Variants in FBF1 observed in about 807,000 individuals in gnomAD.
The protein encoded by FBF1 is Fas binding factor 1.
Under a neutral mutation model 147.2 loss-of-function variants are expected in FBF1, and 119 were observed. The observed-to-expected ratio is 0.81, with a 90% confidence interval of 0.70 to 0.94. The LOEUF (loss-of-function observed/expected upper bound fraction) is 0.94. FBF1 is among the 40% of genes least tolerant of loss of function. The pLI is 0.00. For missense variants in FBF1, 1,449 were observed against 1,500.8 expected (o/e 0.97, Z 0.57); for synonymous variants, 601 against 609.0 (o/e 0.99, Z 0.19).
chr17:75,921,141 C>T (rs1348357833), intron 17 of FBF1, 103 bp downstream of exon 17: 3 of 1,228,778 alleles, frequency 2.4e-6, no homozygotes, highest in Admixed American at 2.1e-5. Context: ...ATGTTTGACA[C>T]ATTTTTCCTG....
At chr17:75,913,620 CGG>C (rs10552779) in intron 28 of FBF1, 80 bp downstream of exon 28, 86,452 of 1,107,662 alleles carry the variant, frequency 0.078, 4,701 homozygotes, top group African/African-American at 0.24. Context: ...TTAACTGGAG[CGG>C]CTGGAGGAGG....
chr17:75,920,627 A>G (rs1326615075), intron 17 of FBF1, among the ~76,000 whole-genome samples, 198 bp from the exon 18 acceptor site: 1 of 152,152 alleles, frequency 6.6e-6, no homozygotes, highest in Non-Finnish European at 1.5e-5. Flanking sequence ...TCTGGTCAGG[A>G]GCATGTCTCC....
rs776859185 is a variant in FBF1, at chr17:75,914,145, C to T, written c.2968G>A (p.Glu990Lys). 8 of 1,601,666 alleles carry T rather than the reference C, an allele frequency of 5.0e-6. No individual in the cohort carries two copies. The East Asian group carries it at 6.7e-5, about 13-fold the overall frequency. ...ACCTTGCTCATGCTCTCCACCTCCT[C>T]GGCGCGGAGCTTGACACGCAGGGCG... ...ATALRVKLRA[E>K]EVESMSKVAS... is the part of the protein sequence containing the mutation. The change falls in exon 26 of 30, where the codon GAG becomes AAG. Residue 990 changes from glutamate (E) to lysine (K), a missense_variant. Glu to Lys is a moderately conservative substitution (Grantham distance 56, BLOSUM62 1). Coordinates refer to ENST00000636174, the MANE Select transcript of FBF1 (RefSeq NM_001319193.2).
chr17:75,937,981 C>T (rs753948725), intron 2 of FBF1, 166 bp downstream of exon 2: 84 of 997,994 alleles, frequency 8.4e-5, no homozygotes, highest in Non-Finnish European at 8.5e-5. Context: ...AAACCTTGGT[C>T]GTCGAAAGTT....
intron 29 of FBF1, among the ~76,000 whole-genome samples, chr17:75,911,651 T>C (rs1204928041): frequency 6.6e-6 from 1 of 152,194 alleles, no homozygotes; most frequent in Non-Finnish European, 1.5e-5. Context: ...CCGGAGTAGC[T>C]GGGAGTACAG....
chr17:75,937,776 G>T (rs1391270662), intron 2 of FBF1, 183 bp from the exon 3 acceptor site: 2 of 711,898 alleles, frequency 2.8e-6, no homozygotes, highest in Non-Finnish European at 4.9e-6. Context: ...CATTCAGAGC[G>T]TGGAAACAGC....
In FBF1 at chr17:75,926,035, G is replaced by C. The variant is rs1168684728; in HGVS notation, c.863C>G (p.Pro288Arg). Residue 288 changes from proline (P) to arginine (R), a missense_variant, in exon 12 of 30, where the codon CCA becomes CGA. By Grantham distance (103) the Pro-to-Arg change is moderately radical. Transcript: ENST00000636174. ...GCCCCCGCAAGCCTCCTTACCCTGT[G>C]GCCTCTGGTACTTCTTGTCTAGCTT... ...EFKLDKKYQR[P>R]QDSEDMWGDE... The C allele has an allele frequency of 6.8e-6, 11 of 1,610,086 alleles. No individual in the cohort carries two copies. The highest frequency in any genetic ancestry group is 9.3e-6 in the Non-Finnish European group (11 of 1,178,834).
intron 2 of FBF1, 60 bp downstream of exon 2, chr17:75,938,087 G>T (rs766980160): frequency 1.0e-5 from 16 of 1,606,064 alleles, no homozygotes; most frequent in Admixed American, 1.7e-5. Flanking sequence ...CAAGATCTTT[G>T]GGGATGCAGG....
intron 2 of FBF1, 41 bp downstream of exon 2, chr17:75,938,106 C>T (rs781488431): frequency 6.2e-7 from 1 of 1,611,632 alleles, no homozygotes; most frequent in East Asian, 2.2e-5. Context: ...GGATGGGAGG[C>T]ATGTTCGCTT....
Position 75,925,423 on chromosome 17 carries a change from C to T in FBF1, c.892G>A (p.Glu298Lys), listed in dbSNP as rs199958081. Residue 298 changes from glutamate (E) to lysine (K), a missense_variant, in exon 13 of 30, where the codon GAG (glutamate) becomes AAG (lysine). Physicochemically the swap from Glu to Lys is moderately conservative, Grantham distance 56. Transcript: ENST00000636174. This position sits in a 1 kb window ranked among gnomAD's most constrained non-coding sequence, Gnocchi z 5.0. ...TGATAGGCTCCAAAGGTGAAGTCCT[C>T]GTCACCCCACATATCTTCACTGTCT... ...PQDSEDMWGD[E>K]DFTFGAYQPT... The T allele has an allele frequency of 6.2e-6, 10 of 1,613,426 alleles. No individual in the cohort carries two copies. Among genetic ancestry groups the T allele is most frequent in the East Asian group, 2.2e-5 (1 of 44,872 alleles).
intron 23 of FBF1, among the ~76,000 whole-genome samples, chr17:75,915,862 G>A (rs1468448497): frequency 6.6e-6 from 1 of 151,928 alleles, no homozygotes; most frequent in Admixed American, 6.6e-5. Context: ...ACAAAAATTA[G>A]CTGGGCGTGG....
At chr17:75,926,909 T>C (rs2065565575) in intron 9 of FBF1, 32 bp from the exon 10 acceptor site, 1 of 1,592,364 alleles carries the variant, frequency 6.3e-7, no homozygotes. Context: ...CAGGTCAGAC[T>C]GCAGCACTTA....
At position 75,913,967 on chromosome 17, in the gene FBF1, C is replaced by T. The variant is rs1290686029; in HGVS notation, c.3075G>A (p.Gln1025=). ...GCCGCTCCTGCTGTTGCTGCACCGC[C>T]TGCAACCGGGCCTGCTGCTCTGCCT... ...QVQAEQQARL[Q]AVQQQQERLR... The change falls in exon 27 of 30, where the codon CAG becomes CAA. Residue 1025 remains glutamine, a synonymous_variant. Transcript: ENST00000636174. The T allele has an allele frequency of 2.2e-5, 35 of 1,558,260 alleles. No individual in the cohort carries two copies. The highest frequency in any genetic ancestry group is 3.0e-5 in the Non-Finnish European group (35 of 1,158,300).
At position 75,921,506 on chromosome 17, in the gene FBF1, C is replaced by T. The variant is rs766839541; in HGVS notation, c.1581G>A (p.Lys527=). ...AASALPTGSP[K]RGTAPGDLSA... Reference sequence around the variant, plus strand: ...AGAGGTCTCCAGGGGCTGTTCCCCTCTTTGGGGAACCTGTAGGGAGTGCTG... The same window carrying T: ...AGAGGTCTCCAGGGGCTGTTCCCCTTTTTGGGGAACCTGTAGGGAGTGCTG... The change falls in exon 16 of 30, where the codon AAG becomes AAA. Residue 527 remains lysine (K), a synonymous_variant. Transcript: ENST00000636174. 2 of 1,613,166 alleles carry T rather than the reference C, an allele frequency of 1.2e-6. No individual in the cohort carries two copies. Among genetic ancestry groups the T allele is most frequent in the South Asian group, 2.2e-5 (2 of 90,880 alleles).
Position 75,927,379 on chromosome 17 carries a change from C to G in FBF1, c.475+76G>C, listed in dbSNP as rs1002873003. On this transcript the variant is annotated intron_variant, in intron 9 of 29. Coordinates refer to ENST00000636174, the MANE Select transcript of FBF1 (RefSeq NM_001319193.2). ...TGTGACATAGGCAGCAGCTGGGCCT[C>G]GGGCCAGCAAGCATGCCTAGGCTGC... 8 of 1,312,106 alleles carry G rather than the reference C, an allele frequency of 6.1e-6. No individual in the cohort carries two copies. In the African/African-American group the frequency reaches 1.2e-4, roughly 19 times the overall value. 81.3% of individuals were successfully genotyped at this position (1,312,106 alleles called of 1,614,324 possible). A position where few individuals can be genotyped will look rare whatever the true frequency, so the allele number is the denominator to read the frequency against.
chr17:75,935,899 G>A (rs143339683), intron 3 of FBF1, among the ~76,000 whole-genome samples: 2 of 152,328 alleles, frequency 1.3e-5, no homozygotes, highest in African/African-American at 4.8e-5. Flanking sequence ...TCTCAGGCTG[G>A]GCGCAGTGGC....
intron 8 of FBF1, among the ~76,000 whole-genome samples, 200 bp from the exon 9 acceptor site, chr17:75,927,732 C>G (rs887403943): frequency 3.9e-5 from 6 of 152,178 alleles, no homozygotes; most frequent in African/African-American, 1.4e-4. Flanking sequence ...GGAGCTACCT[C>G]TGCTTCCTCA....
At position 75,937,584 on chromosome 17, in the gene FBF1, T is replaced by G. The variant is rs1299724677; in HGVS notation, c.13A>C (p.Thr5Pro). MAPK[T>P]KKGCKGSIDD... is the part of the protein sequence containing the mutation. ...CACTCACCTTTACATCCTTTCTTGGTTTTTGGTGCCTAAAATGGGAAAAAC... is the reference window on the plus strand; with the variant it reads ...CACTCACCTTTACATCCTTTCTTGGGTTTTGGTGCCTAAAATGGGAAAAAC... Residue 5 changes from threonine (T) to proline (P), a missense_variant, in exon 3 of 30, where the codon ACC becomes CCC. Thr to Pro is a conservative substitution (Grantham distance 38, BLOSUM62 -1). Transcript: ENST00000636174. 1 of 1,613,554 alleles carries G rather than the reference T, an allele frequency of 6.2e-7. No individual in the cohort carries two copies. The highest frequency in any genetic ancestry group is 8.5e-7 in the Non-Finnish European group (1 of 1,179,534).
chr17:75,932,999 T>C lies in FBF1; in HGVS notation c.163A>G (p.Thr55Ala). The C allele has an allele frequency of 1.3e-6, 2 of 1,598,448 alleles. No individual in the cohort carries two copies. The highest frequency in any genetic ancestry group is 1.7e-6 in the Non-Finnish European group (2 of 1,167,738). The change falls in exon 5 of 30, where the codon ACA (threonine) becomes GCA (alanine). Residue 55 changes from threonine (T) to alanine (A), a missense_variant. Physicochemically the swap from Thr to Ala is moderately conservative, Grantham distance 58. Coordinates refer to ENST00000636174, the MANE Select transcript of FBF1 (RefSeq NM_001319193.2). ...CCAGTCGGACCCTGCCCTTACTTTGTTCTCGCCTTTGAAGAAGGGAACATC... is the reference window on the plus strand; with the variant it reads ...CCAGTCGGACCCTGCCCTTACTTTGCTCTCGCCTTTGAAGAAGGGAACATC... ...SQMFPSSKAR[T>A]KSLLGDDVFS...
Sources: allele counts gnomAD v4.1 joint callset (sites outside exome capture counted in the v4.1 genomes callset), GRCh38; gene constraint gnomAD v4.1.1; non-coding constraint Gnocchi (gnomAD v3.1); transcripts MANE v1.5; gene names NCBI Gene and HGNC (gene_info 2026-07-23, HGNC 2026-07-21).